The following SLC16A3 variants were observed in gnomAD, a reference collection of about 807,000 sequenced individuals.
SLC16A3 encodes solute carrier family 16 member 3.
In SLC16A3, 22 loss-of-function variants were observed where a neutral mutation model predicts 25.0. The ratio of observed to expected loss-of-function variants is 0.88; its 90% CI spans 0.63 to 1.26. SLC16A3 has a LOEUF of 1.26. SLC16A3 is among the 50% of genes most tolerant of loss of function. SLC16A3 has a pLI of 0.00. For missense variants in SLC16A3, 731 were observed against 666.6 expected, an observed-to-expected ratio of 1.10 and a Z score of -1.06; for synonymous variants, 390 against 309.2, an observed-to-expected ratio of 1.26 and a Z score of -2.74.
upstream of SLC16A3, among the ~76,000 whole-genome samples, chr17:82,227,093 C>T (rs2050427307): frequency 6.6e-6 from 1 of 152,068 alleles, no homozygotes; most frequent in Non-Finnish European, 1.5e-5. Context: ...TCCTGGGGCC[C>T]ACACCCAGGG....
intron 1 of SLC16A3, chr17:82,235,779 A>G (rs59469505): frequency 0.051 from 30,367 of 591,528 alleles, 5,362 homozygotes; most frequent in African/African-American, 0.44. Flanking sequence ...GAGGCAGTGC[A>G]GAGGGAGTGG....
At chr17:82,231,750 TG>T (rs1471824401) in intron 1 of SLC16A3, 1 of 152,252 alleles carries the variant, frequency 6.6e-6, no homozygotes, top group Non-Finnish European at 1.5e-5. Context: ...GCCCTGGCCC[TG>T]GGTGGGAGTG....
At chr17:82,234,076 G>C (rs577608315) in intron 1 of SLC16A3, 2 of 152,130 alleles carry the variant, frequency 1.3e-5, no homozygotes, top group African/African-American at 4.8e-5. Flanking sequence ...TCCTGACCTC[G>C]TGATCCGCCC....
At chr17:82,228,688 G>A (rs2050445088), upstream of SLC16A3, 1 of 152,348 alleles carries the variant, frequency 6.6e-6, no homozygotes, top group African/African-American at 2.4e-5. Flanking sequence ...AGGACGTTGG[G>A]ACCTGCCGCG....
intron 1 of SLC16A3, among the ~76,000 whole-genome samples, chr17:82,219,996 C>T (rs11658061): frequency 0.17 from 26,250 of 152,102 alleles, 2,643 homozygotes; most frequent in Non-Finnish European, 0.23. Flanking sequence ...GGATGCTGGA[C>T]GCTCAGGGCC....
intron 1 of SLC16A3, chr17:82,230,088 T>C (rs545320734): frequency 3.9e-5 from 6 of 152,518 alleles, no homozygotes; most frequent in Admixed American, 3.9e-4. Flanking sequence ...CTTGTGTCTG[T>C]TGGGGCCGGG....
intron 1 of SLC16A3, chr17:82,235,591 C>A: frequency 4.0e-6 from 1 of 250,088 alleles, no homozygotes; most frequent in Non-Finnish European, 8.0e-6. Context: ...GTGCCGTCTG[C>A]TGCCAGAATC....
chr17:82,223,966 C>G (rs1385462064), upstream of SLC16A3, among the ~76,000 whole-genome samples: 1 of 151,858 alleles, frequency 6.6e-6, no homozygotes, highest in Non-Finnish European at 1.5e-5. Context: ...ACCCCAACAC[C>G]TGTGCACAGA....
intron 1 of SLC16A3, among the ~76,000 whole-genome samples, chr17:82,222,992 A>C (rs2050398595): frequency 6.6e-6 from 1 of 151,928 alleles, no homozygotes; most frequent in Non-Finnish European, 1.5e-5. Context: ...ATACCGGGGA[A>C]GGGGGGGTGC....
At chr17:82,237,083 G>A in intron 3 of SLC16A3, 55 bp from the exon 4 acceptor site, 1 of 1,465,872 alleles carries the variant, frequency 6.8e-7, no homozygotes, top group Non-Finnish European at 9.0e-7. Context: ...AGAGATGAGG[G>A]TCTCGGGCTT....
intron 1 of SLC16A3, among the ~76,000 whole-genome samples, chr17:82,232,924 G>A (rs2050523093): frequency 6.6e-6 from 1 of 151,000 alleles, no homozygotes; most frequent in Non-Finnish European, 1.5e-5. Context: ...GCGGCGGGGG[G>A]GGGGTTGGTA....
Position 82,237,358 on chromosome 17 carries a change from C to G in SLC16A3, c.588C>G (p.Leu196=). Residue 196 remains leucine, a synonymous_variant, in exon 4 of 5, where the codon CTC becomes CTG. Transcript: ENST00000582743. ...TCAACTGCTGCGTGTGTGCCGCACT[C>G]ATGAGGCCCCTGGTGGTCACGGCCC... The part of the protein sequence containing the change: ...LLLNCCVCAA[L]MRPLVVTAQP... 1 of 1,539,602 alleles carries G rather than the reference C, an allele frequency of 6.5e-7. No individual in the cohort carries two copies. Among genetic ancestry groups the G allele is most frequent in the Non-Finnish European group, 8.8e-7 (1 of 1,140,444 alleles).
rs1317402557 is a variant in SLC16A3 at position 82,239,978 on chromosome 17, A to T, written c.*1002A>T. The T allele has an allele frequency of 8.1e-7, 1 of 1,233,130 alleles. No individual in the cohort carries two copies. Among genetic ancestry groups the T allele is most frequent in the Non-Finnish European group, 1.0e-6 (1 of 987,420 alleles). 76.4% of individuals were successfully genotyped at this position (1,233,130 alleles called of 1,614,324 possible). On this transcript the variant is annotated 3_prime_UTR_variant, in exon 5 of 5. Coordinates refer to ENST00000582743, the MANE Select transcript of SLC16A3 (RefSeq NM_004207.4). ...CCGGTCAGAGGCCGCCGGGGCCCTCAGTAGGTGCGTCGTGGGCGCTGGGGA... is the reference window on the plus strand; with the variant it reads ...CCGGTCAGAGGCCGCCGGGGCCCTCTGTAGGTGCGTCGTGGGCGCTGGGGA...
rs922016916 is a variant in SLC16A3 at position 82,236,404 on chromosome 17, A to G, written c.223+173A>G. ...CAGCAACATGCTCTCCACGGGGCCA[A>G]CCCAGGCAGGGCGCGAAGTCCATCC... On this transcript the variant is annotated intron_variant, in intron 2 of 4. Transcript: ENST00000582743. The G allele has an allele frequency of 7.6e-5, 52 of 682,190 alleles. No individual in the cohort carries two copies. In the South Asian group the frequency reaches 9.2e-4, roughly 12 times the overall value. The allele number at this position is 682,190 out of a possible 1,614,324, so 42.3% of individuals were successfully genotyped here. A position where few individuals can be genotyped will look rare whatever the true frequency, so the allele number is the denominator to read the frequency against.
intron 4 of SLC16A3, 126 bp from the exon 5 acceptor site, chr17:82,238,576 C>G: frequency 1.0e-6 from 1 of 972,036 alleles, no homozygotes; most frequent in Non-Finnish European, 1.4e-6. Flanking sequence ...CCTCCCAGCC[C>G]CACAAGCTCA....
At chr17:82,224,021 G>A (rs1226530853), upstream of SLC16A3, among the ~76,000 whole-genome samples, 1 of 99,698 alleles carries the variant, frequency 1.0e-5, no homozygotes, top group Non-Finnish European at 2.0e-5. Context: ...CGTGCACAGA[G>A]ACACCTGTGC....
upstream of SLC16A3, among the ~76,000 whole-genome samples, chr17:82,227,893 C>T (rs1351717761): frequency 6.6e-6 from 1 of 152,208 alleles, no homozygotes; most frequent in African/African-American, 2.4e-5. Flanking sequence ...ATAGAAAGAA[C>T]AGGCGGCCTT....
At chr17:82,220,416 A>T (rs1342675265) in intron 1 of SLC16A3, among the ~76,000 whole-genome samples, 3 of 152,186 alleles carry the variant, frequency 2.0e-5, no homozygotes, top group Admixed American at 2.0e-4. Context: ...CCTGCCTGGC[A>T]CACCCACTCC....
chr17:82,223,881 C>T (rs548746776), upstream of SLC16A3, among the ~76,000 whole-genome samples: 1 of 152,050 alleles, frequency 6.6e-6, no homozygotes, highest in African/African-American at 2.4e-5. Flanking sequence ...AGTGACAGAG[C>T]GAGAGGTCAC....
Sources: allele counts gnomAD v4.1 joint callset (sites outside exome capture counted in the v4.1 genomes callset), GRCh38; gene constraint gnomAD v4.1.1; transcripts MANE v1.5; gene names NCBI Gene and HGNC (gene_info 2026-07-23, HGNC 2026-07-21).